CFAP46: variants seen among roughly 807,000 people sequenced by gnomAD.
CFAP46 encodes the protein cilia and flagella associated protein 46.
In CFAP46, 245 loss-of-function variants were observed where a neutral mutation model predicts 325.7. The observed-to-expected ratio is 0.75, with a 90% CI of 0.68 to 0.84. The LOEUF is 0.84. Ranked by LOEUF, CFAP46 falls within the 40% of genes least tolerant of loss-of-function variation. The pLI is 0.00. For synonymous variants in CFAP46, 1,523 were observed against 1,495.9 expected (o/e 1.02, Z -0.42); for missense variants, 3,346 against 3,543.0 (o/e 0.94, Z 1.41).
chr10:132,821,949 GCT>G (rs1847849647), intron 50 of CFAP46, among the ~76,000 whole-genome samples: 1 of 128,112 alleles, frequency 7.8e-6, no homozygotes, highest in Non-Finnish European at 1.6e-5. Context: ...CTGTGTGTGC[GCT>G]TGTGTGTGCT....
At chr10:132,915,198 G>A (rs1027094170) in intron 17 of CFAP46, among the ~76,000 whole-genome samples, 3 of 152,276 alleles carry the variant, frequency 2.0e-5, no homozygotes, top group African/African-American at 7.2e-5. Context: ...AACGGCTTGA[G>A]CCCTAATTTT....
chr10:132,857,232 C>A (rs923318962), intron 39 of CFAP46, among the ~76,000 whole-genome samples: 2 of 152,170 alleles, frequency 1.3e-5, no homozygotes, highest in Non-Finnish European at 2.9e-5. Context: ...TCTGTGCAGC[C>A]CTCTCCTGCC....
At position 132,872,663 on chromosome 10, in the gene CFAP46, G is replaced by T. The variant is rs996914287; in HGVS notation, c.4511+13C>A. On this transcript the variant is annotated intron_variant, in intron 32 of 57. Transcript: ENST00000368586. ...TTGGGGAAATCACACTCCGAAAAAGGAGCTGTACCCACCGAAGGTGGTAGA... is the reference window on the plus strand; with the variant it reads ...TTGGGGAAATCACACTCCGAAAAAGTAGCTGTACCCACCGAAGGTGGTAGA... The T allele has an allele frequency of 1.3e-6, 2 of 1,550,508 alleles. No individual in the cohort carries two copies. Among genetic ancestry groups the T allele is most frequent in the Non-Finnish European group, 1.7e-6 (2 of 1,146,998 alleles).
Position 132,828,773 on chromosome 10 carries a change from G to A in CFAP46, c.7117+4585C>T, listed in dbSNP as rs184214989. ...ATTTTCCTGCGTGGCGTGCGGCCTC[G>A]TTTTTGTTGTGTTTCGTTCTGCACT... On this transcript the variant is annotated intron_variant, in intron 50 of 57. Transcript: ENST00000368586. This position sits in a 1 kb window ranked among gnomAD's most constrained non-coding sequence, Gnocchi z 4.9. Among the ~76,000 whole-genome samples the A allele has an allele frequency of 6.6e-5, 10 of 152,226 alleles. No homozygotes were observed. Among genetic ancestry groups the A allele is most frequent in the South Asian group, 4.2e-4 (2 of 4,816 alleles).
rs1406381286 is a variant in CFAP46 at position 132,851,264 on chromosome 10, G to C, written c.5616C>G (p.Arg1872=). The C allele has an allele frequency of 6.2e-7, 1 of 1,613,934 alleles. No homozygotes were observed. Among genetic ancestry groups the C allele is most frequent in the Admixed American group, 1.7e-5 (1 of 60,004 alleles). ...VNTPLMRKLA[R]LKLGLVEMAL... ...CCATTTCCACGAGGCCGAGCTTGAG[G>C]CGCGCCAGCTTCCTCATCAGGGGCG... Residue 1872 remains arginine, a synonymous_variant, in exon 40 of 58, where the codon CGC becomes CGG. Transcript: ENST00000368586.
chr10:132,850,790 A>G (rs1653720625), intron 40 of CFAP46, among the ~76,000 whole-genome samples: 1 of 152,190 alleles, frequency 6.6e-6, no homozygotes, highest in South Asian at 2.1e-4. Flanking sequence ...TTTTACCAAA[A>G]TGGAGTCCAC....
In CFAP46 at chr10:132,884,279, G is replaced by C. The variant is rs1406313165; in HGVS notation, c.3627+824C>G. ...CTGTGGCTCCCCACGGTGGTACCCA[G>C]GCGTCTGCCTTGATCACCCAGTGCC... is the stretch of plus-strand genomic sequence containing the variant. On this transcript the variant is annotated intron_variant, in intron 27 of 57. Coordinates refer to ENST00000368586, the MANE Select transcript of CFAP46 (RefSeq NM_001200049.3). The surrounding 1 kb of genome is among the most constrained non-coding windows in gnomAD (Gnocchi z 5.4). Among the ~76,000 whole-genome samples, 1 of 152,122 alleles carries C rather than the reference G, an allele frequency of 6.6e-6. No individual in the cohort carries two copies. Among genetic ancestry groups the C allele is most frequent in the Non-Finnish European group, 1.5e-5 (1 of 68,026 alleles).
Position 132,851,181 on chromosome 10 carries a change from C to A in CFAP46, c.5699G>T (p.Gly1900Val), listed in dbSNP as rs1458047713. Residue 1900 changes from glycine to valine, a missense_variant, in exon 40 of 58, where the codon GGG (glycine) becomes GTG (valine). Physicochemically the swap from Gly to Val is moderately radical, Grantham distance 109 (BLOSUM62 -3). Coordinates refer to ENST00000368586, the MANE Select transcript of CFAP46 (RefSeq NM_001200049.3). ...EEAHGQQSEQ[G>V]SLEKLLADYL... is the part of the protein sequence containing the mutation. ...GTCCGCCAGCAGCTTCTCCAGGGAC[C>A]CCTGCTCACTCTGCTGCCCGTGGGC... 2.5e-6 allele frequency: 4 copies of A among 1,614,104 alleles called. No homozygotes were observed. The South Asian group carries it at 4.4e-5, about 18-fold the overall frequency.
intron 10 of CFAP46, among the ~76,000 whole-genome samples, chr10:132,926,268 C>T (rs540758563): frequency 1.3e-5 from 2 of 152,164 alleles, no homozygotes; most frequent in South Asian, 2.1e-4. Context: ...CATCACCACA[C>T]GGCGGGGAGG....
chr10:132,940,450 C>T (rs577871710), intron 4 of CFAP46, among the ~76,000 whole-genome samples: 11 of 152,290 alleles, frequency 7.2e-5, no homozygotes, highest in East Asian at 1.9e-4. Context: ...GAGTCGCCTC[C>T]GCAGGGACAG....
rs1382929764 is a variant in CFAP46 at position 132,886,509 on chromosome 10, C to T, written c.3305-550G>A. On this transcript the variant is annotated intron_variant, in intron 25 of 57. Transcript: ENST00000368586. The surrounding 1 kb of genome is among the most constrained non-coding windows in gnomAD (Gnocchi z 5.8). The stretch of plus-strand genomic sequence containing the variant: ...TGCCTGCCGGGAGGTGAGCCCCACC[C>T]AGCCTCCATAGGGCGCCCTGTGGGC... 1.3e-5 allele frequency among the ~76,000 whole-genome samples: 2 copies of T among 152,172 alleles called. No individual in the cohort carries two copies. The highest frequency in any genetic ancestry group is 4.8e-5 in the African/African-American group (2 of 41,440).
At position 132,942,566 on chromosome 10, in the gene CFAP46, C is replaced by G; in HGVS notation, c.-82G>C. On this transcript the variant is annotated 5_prime_UTR_variant, in exon 1 of 58. Coordinates refer to ENST00000368586, the MANE Select transcript of CFAP46 (RefSeq NM_001200049.3). Reference sequence around the variant, plus strand: ...CACTGTCGGTTGGGTTCTCCAGCCGCGAGGACCCGGCCACGGTTGCCTGGA... The same window carrying G: ...CACTGTCGGTTGGGTTCTCCAGCCGGGAGGACCCGGCCACGGTTGCCTGGA... 8.6e-7 allele frequency: 1 copy of G among 1,165,292 alleles called. No homozygotes were observed. Among genetic ancestry groups the G allele is most frequent in the Non-Finnish European group, 1.1e-6 (1 of 924,476 alleles). The allele number at this position is 1,165,292 out of a possible 1,614,324, so 72.2% of individuals were successfully genotyped here.
chr10:132,813,429 CCTCTGCACACACCTGT>C (rs1185790758), intron 54 of CFAP46, among the ~76,000 whole-genome samples: 1 of 142,096 alleles, frequency 7.0e-6, no homozygotes, highest in African/African-American at 2.7e-5. Flanking sequence ...TGCAGCCCCA[CCTCTGCACACACCTGT>C]CCCTGCACAC....
In CFAP46 at chr10:132,876,884, G is replaced by A. The variant is rs922450402; in HGVS notation, c.4290C>T (p.Pro1430=). Reference sequence around the variant, plus strand: ...GTTTCAGTACAGACAGCACTTCCTCGGGGCAGGAGTAGGAAGCCCACTCTT... The same window carrying A: ...GTTTCAGTACAGACAGCACTTCCTCAGGGCAGGAGTAGGAAGCCCACTCTT... ...SIEEWASYSC[P]EEVLSVLKQD... The change falls in exon 31 of 58, where the codon CCC becomes CCT. Residue 1430 remains proline (P), a synonymous_variant. Coordinates refer to ENST00000368586, the MANE Select transcript of CFAP46 (RefSeq NM_001200049.3). This position sits in a 1 kb window ranked among gnomAD's most constrained non-coding sequence, Gnocchi z 4.1. 27 of 1,550,372 alleles carry A rather than the reference G, an allele frequency of 1.7e-5. No homozygotes were observed. In the African/African-American group the frequency reaches 2.3e-4, roughly 13 times the overall value.
At chr10:132,815,475 G>T (rs1256275459) in intron 50 of CFAP46, among the ~76,000 whole-genome samples, 1 of 152,220 alleles carries the variant, frequency 6.6e-6, no homozygotes, top group African/African-American at 2.4e-5. Context: ...TAAGAAGGAG[G>T]CTGTCTCCAG....
intron 9 of CFAP46, chr10:132,929,493 A>C (rs1278820787): frequency 3.9e-6 from 3 of 777,156 alleles, no homozygotes; most frequent in Non-Finnish European, 7.2e-6. Flanking sequence ...GGCCACAAGA[A>C]AGGTAAAGAG....
At position 132,859,084 on chromosome 10, in the gene CFAP46, C is replaced by T. The variant is rs1848688407; in HGVS notation, c.5362G>A (p.Ala1788Thr). ...ENCVDVKLER[A>T]KIKRLRAQNE... ...AGGCAGCCTTACCTCTTGATCTTCG[C>T]ACGCTCTAGTTTTACGTCAACACAA... is the stretch of plus-strand genomic sequence containing the variant. Residue 1788 changes from alanine (A) to threonine (T), a missense_variant, in exon 38 of 58, where the codon GCG becomes ACG. By Grantham distance (58) the Ala-to-Thr change is moderately conservative. Transcript: ENST00000368586. 6.4e-7 allele frequency: 1 copy of T among 1,550,648 alleles called. No homozygotes were observed. The highest frequency in any genetic ancestry group is 1.4e-5 in the African/African-American group (1 of 73,034).
intron 57 of CFAP46, 55 bp downstream of exon 57, chr10:132,810,354 G>T: frequency 6.8e-7 from 1 of 1,461,500 alleles, no homozygotes; most frequent in Non-Finnish European, 9.6e-7. Flanking sequence ...TGCCCCATGG[G>T]CAGTGGCTGC....
At chr10:132,907,371 G>A (rs1464987588) in intron 22 of CFAP46, among the ~76,000 whole-genome samples, 2 of 152,200 alleles carry the variant, frequency 1.3e-5, no homozygotes, top group African/African-American at 2.4e-5. Flanking sequence ...TCAACTGGAT[G>A]GAACACGGTA....
Sources: allele counts gnomAD v4.1 joint callset (sites outside exome capture counted in the v4.1 genomes callset), GRCh38; gene constraint gnomAD v4.1.1; non-coding constraint Gnocchi (gnomAD v3.1); transcripts MANE v1.5; gene names NCBI Gene and HGNC (gene_info 2026-07-23, HGNC 2026-07-21).